TMEM255B: variants seen among roughly 807,000 people sequenced by gnomAD.
The protein encoded by TMEM255B is transmembrane protein 255B, also known as family with sequence similarity 70, member B.
A neutral mutation model predicts 34.5 loss-of-function variants in TMEM255B; 35 were observed. The ratio of observed to expected loss-of-function variants is 1.01; its 90% confidence interval spans 0.77 to 1.34. The LOEUF (loss-of-function observed/expected upper bound fraction) is 1.34. TMEM255B is among the 40% of genes most tolerant of loss of function. The probability of loss-of-function intolerance (pLI) is 0.00; values close to 1 mark genes in which losing one functional copy is unlikely to be tolerated. For synonymous variants in TMEM255B, 206 were observed against 201.2 expected (o/e 1.02, Z -0.20); for missense variants, 432 against 433.2 (o/e 1.00, Z 0.02).
Position 113,813,281 on chromosome 13 carries a change from G to T in TMEM255B, c.*1378G>T, listed in dbSNP as rs7331967. On this transcript the variant is annotated 3_prime_UTR_variant, in exon 9 of 9. Coordinates refer to ENST00000375353, the MANE Select transcript of TMEM255B (RefSeq NM_182614.4). ...TTCCCCAGTCACTCCCTCTCCCCTC[G>T]GAAGCTGGCGCCTCCAGGCCTCACC... 2 of 152,262 alleles carry T rather than the reference G, an allele frequency of 1.3e-5. No individual in the cohort carries two copies. Among genetic ancestry groups the T allele is most frequent in the Non-Finnish European group, 2.9e-5 (2 of 68,154 alleles). The allele number at this position is 152,262 out of a possible 1,614,324, so 9.4% of individuals were successfully genotyped here.
intron 3 of TMEM255B, among the ~76,000 whole-genome samples, chr13:113,783,946 G>A (rs567786800): frequency 1.1e-4 from 16 of 152,276 alleles, no homozygotes; most frequent in African/African-American, 3.9e-4. Context: ...AGGCAGGCCT[G>A]AATATAGGGA....
At position 113,761,699 on chromosome 13, in the gene TMEM255B, T is replaced by A. The variant is rs547668117; in HGVS notation, c.46+2384T>A. Among the ~76,000 whole-genome samples the A allele has an allele frequency of 3.3e-5, 5 of 152,304 alleles. No homozygotes were observed. In the South Asian group the frequency reaches 6.2e-4, roughly 19 times the overall value. ...TGCATTCCATTTACAAAAACCTATA[T>A]GAGAGCCCACGTATCGTGTCTCACT... On this transcript the variant is annotated intron_variant, in intron 1 of 8. Transcript: ENST00000375353.
At chr13:113,778,345 C>T (rs554326282) in intron 3 of TMEM255B, among the ~76,000 whole-genome samples, 37 of 152,226 alleles carry the variant, frequency 2.4e-4, no homozygotes, top group Non-Finnish European at 4.0e-4. Context: ...GCTGCTGTAA[C>T]GATGTGATGA....
chr13:113,762,430 T>C (rs2050323639), intron 1 of TMEM255B, among the ~76,000 whole-genome samples: 2 of 152,212 alleles, frequency 1.3e-5, no homozygotes, highest in Admixed American at 1.3e-4. Flanking sequence ...TCTAGACTTG[T>C]ATAATCTAGG....
intron 3 of TMEM255B, 46 bp from the exon 4 acceptor site, chr13:113,795,102 C>G: frequency 5.7e-6 from 9 of 1,584,168 alleles, no homozygotes; most frequent in Non-Finnish European, 6.9e-6. Flanking sequence ...GTTTGAAAAC[C>G]GGGGTTGGTA....
At position 113,759,767 on chromosome 13, in the gene TMEM255B, C is replaced by T. The variant is rs775875152; in HGVS notation, c.46+452C>T. Among the ~76,000 whole-genome samples, 49 of 152,276 alleles carry T rather than the reference C, an allele frequency of 3.2e-4. 1 individual carries two copies. Among genetic ancestry groups the T allele is most frequent in the Middle Eastern group, 3.4e-3 (1 of 294 alleles). ...GTTTGGAAGAGCGAGGTAGCCTTTT[C>T]CTGTTTGAACGTGCAGAGGCGCTCA... On this transcript the variant is annotated intron_variant, in intron 1 of 8. Coordinates refer to ENST00000375353, the MANE Select transcript of TMEM255B (RefSeq NM_182614.4).
chr13:113,796,577 A>C, intron 4 of TMEM255B, among the ~76,000 whole-genome samples: 1 of 151,830 alleles, frequency 6.6e-6, no homozygotes. Context: ...CGCTCTTTTC[A>C]CCTCTAAATG....
At chr13:113,774,604 C>CAT in intron 3 of TMEM255B, among the ~76,000 whole-genome samples, 1 of 105,456 alleles carries the variant, frequency 9.5e-6, no homozygotes, top group Non-Finnish European at 1.9e-5. Flanking sequence ...ACAAATGACA[C>CAT]ACACCACACA....
At chr13:113,778,444 G>A (rs1298022557) in intron 3 of TMEM255B, among the ~76,000 whole-genome samples, 1 of 151,948 alleles carries the variant, frequency 6.6e-6, no homozygotes, top group Non-Finnish European at 1.5e-5. Context: ...CTGTGGTACT[G>A]TGGCATCTTC....
At chr13:113,772,763 A>G (rs76171931) in intron 3 of TMEM255B, among the ~76,000 whole-genome samples, 2,177 of 152,312 alleles carry the variant, frequency 0.014, 30 homozygotes, top group Non-Finnish European at 0.022. Context: ...CTTTTAATCT[A>G]TATGTCTTTG....
In TMEM255B at chr13:113,804,944, C is replaced by T. The variant is rs377230958; in HGVS notation, c.729C>T (p.Pro243=). The T allele has an allele frequency of 2.9e-5, 47 of 1,606,148 alleles. No homozygotes were observed. Among genetic ancestry groups the T allele is most frequent in the East Asian group, 1.1e-4 (5 of 44,864 alleles). Residue 243 remains proline (P), a synonymous_variant, in exon 8 of 9, where the codon CCC becomes CCT. Coordinates refer to ENST00000375353, the MANE Select transcript of TMEM255B (RefSeq NM_182614.4). ...PAVPPQTLYN[P]AQQILAYAGF... is the part of the protein sequence containing the mutation. The stretch of plus-strand genomic sequence containing the variant: ...TCCCACCACAGACCCTCTACAACCC[C>T]GCCCAGCAGATCCTGGCCTACGCAG...
chr13:113,790,566 A>G (rs112198875), intron 3 of TMEM255B, among the ~76,000 whole-genome samples: 1 of 126,738 alleles, frequency 7.9e-6, no homozygotes, highest in African/African-American at 3.0e-5. Context: ...GACTGGACAC[A>G]TGGACATCCT....
intron 3 of TMEM255B, among the ~76,000 whole-genome samples, chr13:113,784,554 AAGGAGGAGAAGGG>A (rs1158001565): frequency 1.3e-5 from 2 of 151,868 alleles, no homozygotes; most frequent in Admixed American, 6.6e-5. Flanking sequence ...GAAGAAGAAG[AAGGAGGAGAAGGG>A]AGGAGGAGAA....
rs2051359351 is a variant in TMEM255B, at chr13:113,813,057, G to C, written c.*1154G>C. 6.6e-6 allele frequency: 1 copy of C among 152,170 alleles called. No homozygotes were observed. The highest frequency in any genetic ancestry group is 1.5e-5 in the Non-Finnish European group (1 of 68,140). The allele number at this position is 152,170 out of a possible 1,614,324, so 9.4% of individuals were successfully genotyped here. A position where few individuals can be genotyped will look rare whatever the true frequency, so the allele number is the denominator to read the frequency against. ...CAGGCGCCCCAGTGACAGGAGTTCA[G>C]GATGCGCCACCCCAAAGTAGCCGAA... is the stretch of plus-strand genomic sequence containing the variant. On this transcript the variant is annotated 3_prime_UTR_variant, in exon 9 of 9. Coordinates refer to ENST00000375353, the MANE Select transcript of TMEM255B (RefSeq NM_182614.4).
chr13:113,762,124 G>T, intron 1 of TMEM255B, among the ~76,000 whole-genome samples: 1 of 147,414 alleles, frequency 6.8e-6, no homozygotes. Context: ...AAAAATCAAG[G>T]AAATTATTCA....
chr13:113,802,328 G>A (rs1232382609), intron 7 of TMEM255B, among the ~76,000 whole-genome samples: 7 of 152,238 alleles, frequency 4.6e-5, no homozygotes, highest in Admixed American at 2.0e-4. Flanking sequence ...TCACTGGCCC[G>A]GGCCGGATGT....
chr13:113,801,532 CTG>C (rs2051060260), intron 6 of TMEM255B, 119 bp from the exon 7 acceptor site: 7 of 1,199,984 alleles, frequency 5.8e-6, no homozygotes, highest in Admixed American at 5.7e-5. Context: ...TGGGCGTTGA[CTG>C]GGCTCCAGCC....
In TMEM255B at chr13:113,766,272, C is replaced by T. The variant is rs754032608; in HGVS notation, c.189+15C>T. 46 of 1,613,438 alleles carry T rather than the reference C, an allele frequency of 2.9e-5. No individual in the cohort carries two copies. The highest frequency in any genetic ancestry group is 4.5e-5 in the East Asian group (2 of 44,872). On this transcript the variant is annotated intron_variant, in intron 2 of 8. Coordinates refer to ENST00000375353, the MANE Select transcript of TMEM255B (RefSeq NM_182614.4). ...CAGGGATCATTGTGAGTGCGCCGGGCGGGCGGCCTGGGCCGGGGAGGGCAG... is the reference window on the plus strand; with the variant it reads ...CAGGGATCATTGTGAGTGCGCCGGGTGGGCGGCCTGGGCCGGGGAGGGCAG...
At chr13:113,798,332 C>A (rs1390635104) in intron 4 of TMEM255B, among the ~76,000 whole-genome samples, 1 of 145,314 alleles carries the variant, frequency 6.9e-6, no homozygotes, top group Non-Finnish European at 1.5e-5. Flanking sequence ...GTATGGATGA[C>A]AGATGGGTGA....
Sources: allele counts gnomAD v4.1 joint callset (sites outside exome capture counted in the v4.1 genomes callset), GRCh38; gene constraint gnomAD v4.1.1; transcripts MANE v1.5; gene names NCBI Gene and HGNC (gene_info 2026-07-23, HGNC 2026-07-21).